Variants in CELF5 observed in about 807,000 individuals in gnomAD.
CELF5 encodes CUGBP Elav-like family member 5.
Under a neutral mutation model 54.9 loss-of-function variants are expected in CELF5, and 6 were observed. The observed-to-expected ratio is 0.11, with a 90% CI of 0.06 to 0.22. The LOEUF (loss-of-function observed/expected upper bound fraction) is 0.22. CELF5 is among the 10% of genes least tolerant of loss of function. The pLI is 1.00. For synonymous variants in CELF5, 271 were observed against 290.9 expected, an observed-to-expected ratio of 0.93 and a Z score of 0.70; for missense variants, 401 against 678.6, an observed-to-expected ratio of 0.59 and a Z score of 4.54.
chr19:3,254,025 A>G (rs960881130), intron 2 of CELF5, among the ~76,000 whole-genome samples: 1 of 152,156 alleles, frequency 6.6e-6, no homozygotes, highest in African/African-American at 2.4e-5. Flanking sequence ...TTGGGGGCCA[A>G]AACTGAGCTC....
At chr19:3,260,748 T>G (rs1267828165) in intron 2 of CELF5, among the ~76,000 whole-genome samples, 8 of 150,744 alleles carry the variant, frequency 5.3e-5, no homozygotes, top group African/African-American at 4.9e-5. Context: ...TCAGCCTCCC[T>G]AGTAGCTGGG....
chr19:3,277,651 G>C (rs1334200390), intron 4 of CELF5, among the ~76,000 whole-genome samples: 1 of 151,698 alleles, frequency 6.6e-6, no homozygotes, highest in Non-Finnish European at 1.5e-5. Context: ...TACTCTACCA[G>C]TCTGGAGCCA....
At chr19:3,235,789 AATGGATGGATGG>A (rs1278030051) in intron 1 of CELF5, among the ~76,000 whole-genome samples, 2 of 50,684 alleles carry the variant, frequency 3.9e-5, no homozygotes, top group African/African-American at 8.2e-5. Flanking sequence ...TGGATGGATG[AATGGATGGATGG>A]ATGGATGGAT....
rs780057114 is a variant in CELF5 at position 3,282,222 on chromosome 19, G to A, written c.847G>A (p.Val283Ile). Residue 283 changes from valine (V) to isoleucine (I), a missense_variant, in exon 7 of 13, where the codon GTC (valine) becomes ATC (isoleucine). Val to Ile is a conservative substitution (Grantham distance 29). Transcript: ENST00000292672. The surrounding 1 kb of genome is among the most constrained non-coding windows in gnomAD (Gnocchi z 5.2). ...CTGTCACATCCAGCAGATAGGCGCC[G>A]TCAGCCTCAACGGGCTGCCTGCCAC... ...SPCHIQQIGA[V>I]SLNGLPATPI... 1.2e-5 allele frequency: 20 copies of A among 1,613,504 alleles called. No individual in the cohort carries two copies. Among genetic ancestry groups the A allele is most frequent in the South Asian group, 8.8e-5 (8 of 91,088 alleles).
At chr19:3,274,915 A>C in intron 3 of CELF5, among the ~76,000 whole-genome samples, 2 of 149,424 alleles carry the variant, frequency 1.3e-5, no homozygotes, top group South Asian at 2.1e-4. Flanking sequence ...CTCTCTCTCC[A>C]TCTCCCTCTG....
intron 2 of CELF5, among the ~76,000 whole-genome samples, chr19:3,267,080 CGTGTGTGCATGTGTGTGTGTGTGT>C (rs910877923): frequency 1.5e-4 from 21 of 142,168 alleles, no homozygotes; most frequent in African/African-American, 4.8e-4. Flanking sequence ...TGTGCGTGTG[CGTGTGTGCATGTGTGTGTGTGTGT>C]GTGCGTGTGC....
chr19:3,251,153 C>A, intron 2 of CELF5, 86 bp downstream of exon 2: 2 of 939,084 alleles, frequency 2.1e-6, no homozygotes, highest in Non-Finnish European at 3.4e-6. Context: ...CTGAGATTGG[C>A]TGTGAATTCT....
At position 3,282,103 on chromosome 19, in the gene CELF5, C is replaced by T; in HGVS notation, c.751-23C>T. 6.2e-7 allele frequency: 1 copy of T among 1,613,946 alleles called. No homozygotes were observed. Among genetic ancestry groups the T allele is most frequent in the Non-Finnish European group, 8.5e-7 (1 of 1,179,924 alleles). ...GATCTCAGGGCAGATATCACCCCAA[C>T]TGTGACATGTCTTCACCCCCAGCTC... On this transcript the variant is annotated intron_variant, in intron 6 of 12. Transcript: ENST00000292672. The surrounding 1 kb of genome is among the most constrained non-coding windows in gnomAD (Gnocchi z 5.2).
intron 4 of CELF5, 64 bp from the exon 5 acceptor site, chr19:3,277,967 G>A: frequency 1.5e-6 from 2 of 1,300,676 alleles, no homozygotes; most frequent in Non-Finnish European, 2.2e-6. Flanking sequence ...CCTCTCCTGT[G>A]GCCCCCGCTC....
chr19:3,259,938 G>A (rs1346851580), intron 2 of CELF5, among the ~76,000 whole-genome samples: 2 of 152,086 alleles, frequency 1.3e-5, no homozygotes, highest in Admixed American at 1.3e-4. Context: ...GTAATGTTCT[G>A]GAAGAGTGTT....
intron 2 of CELF5, among the ~76,000 whole-genome samples, chr19:3,265,218 G>A (rs765736271): frequency 2.4e-4 from 36 of 152,192 alleles, no homozygotes; most frequent in African/African-American, 3.9e-4. Flanking sequence ...TGTGCCTGGC[G>A]TCCTAGCTAT....
At position 3,228,625 on chromosome 19, in the gene CELF5, GC is replaced by G. The variant is rs1028333862; in HGVS notation, c.259+3630del. 2.0e-5 allele frequency among the ~76,000 whole-genome samples: 3 copies of G among 150,726 alleles called. No homozygotes were observed. Among genetic ancestry groups the G allele is most frequent in the Non-Finnish European group, 1.5e-5 (1 of 67,438 alleles). On this transcript the variant is annotated intron_variant, in intron 1 of 12. Transcript: ENST00000292672. The surrounding 1 kb of genome is among the most constrained non-coding windows in gnomAD (Gnocchi z 6.0). Reference sequence around the variant, plus strand: ...GGGGGACGGTGCAGGTGGGGGGGGGGCCCGGCGGGGGCCCGGGTGGGGGCCC... The same window carrying G: ...GGGGGACGGTGCAGGTGGGGGGGGGGCCGGCGGGGGCCCGGGTGGGGGCCC...
At chr19:3,257,029 G>A (rs773423425) in intron 2 of CELF5, among the ~76,000 whole-genome samples, 12 of 151,872 alleles carry the variant, frequency 7.9e-5, no homozygotes, top group African/African-American at 1.5e-4. Flanking sequence ...GGCCCGTCCC[G>A]AACTCCTGGG....
intron 11 of CELF5, among the ~76,000 whole-genome samples, chr19:3,291,563 C>T (rs1290581347): frequency 7.6e-6 from 1 of 131,918 alleles, no homozygotes; most frequent in Admixed American, 7.8e-5. Flanking sequence ...TAAAGCAAGA[C>T]TCCGACTCAA....
In CELF5 at chr19:3,228,636, GCCCGGGTGGGGGC is replaced by G. The variant is rs1917068990; in HGVS notation, c.259+3641_259+3653del. On this transcript the variant is annotated intron_variant, in intron 1 of 12. Coordinates refer to ENST00000292672, the MANE Select transcript of CELF5 (RefSeq NM_021938.4). This position sits in a 1 kb window ranked among gnomAD's most constrained non-coding sequence, Gnocchi z 6.0. ...CAGGTGGGGGGGGGGCCCGGCGGGG[GCCCGGGTGGGGGC>G]CCGCGGTTTCCATGGGAGCACCAGC... Among the ~76,000 whole-genome samples, 1 of 151,084 alleles carries G rather than the reference GCCCGGGTGGGGGC, an allele frequency of 6.6e-6. No individual in the cohort carries two copies.
chr19:3,263,115 C>T (rs541154631), intron 2 of CELF5, among the ~76,000 whole-genome samples: 14 of 151,258 alleles, frequency 9.3e-5, no homozygotes, highest in South Asian at 2.1e-4. Flanking sequence ...GGCATGGTGG[C>T]AGGCGCCTAT....
Position 3,224,919 on chromosome 19 carries a change from C to T in CELF5, c.180C>T (p.Asp60=), listed in dbSNP as rs2144946243. The change falls in exon 1 of 13, where the codon GAC becomes GAT. Residue 60 remains aspartate, a synonymous_variant. Transcript: ENST00000292672. ...TCCCGCGGCACCTGGACGAGAAGGACCTCAAGCCGCTCTTCGAGCAGTTCG... is the reference window on the plus strand; with the variant it reads ...TCCCGCGGCACCTGGACGAGAAGGATCTCAAGCCGCTCTTCGAGCAGTTCG... ...GQIPRHLDEK[D]LKPLFEQFGR... 1.2e-6 allele frequency: 2 copies of T among 1,608,284 alleles called. No homozygotes were observed. Among genetic ancestry groups the T allele is most frequent in the Middle Eastern group, 3.3e-4 (2 of 6,050 alleles).
In CELF5 at chr19:3,256,064, C is replaced by CAGAAAAAA. The variant is rs372488135; in HGVS notation, c.342+4998_342+4999insGAAAAAAA. On this transcript the variant is annotated intron_variant, in intron 2 of 12. Transcript: ENST00000292672. Reference sequence around the variant, plus strand: ...TGGGTGACAGAACAAGACCCTGTCTCAAAAAAAAAGGAAAGGTGCGAAGTG... The same window carrying CAGAAAAAA: ...TGGGTGACAGAACAAGACCCTGTCTCAGAAAAAAAAAAAAAAAGGAAAGGTGCGAAGTG... Among the ~76,000 whole-genome samples, 17 of 139,604 alleles carry CAGAAAAAA rather than the reference C, an allele frequency of 1.2e-4. 2 individuals carry two copies. Among genetic ancestry groups the CAGAAAAAA allele is most frequent in the South Asian group, 4.9e-4 (2 of 4,118 alleles). The allele number at this position is 139,604 out of a possible 152,430, so 91.6% of individuals were successfully genotyped here.
At chr19:3,250,891 G>GCATTAAAA in intron 1 of CELF5, 94 bp from the exon 2 acceptor site, 1 of 610,996 alleles carries the variant, frequency 1.6e-6, no homozygotes, top group Non-Finnish European at 2.8e-6. Flanking sequence ...ATGGAAGCTT[G>GCATTAAAA]GGTTGCTTCC....
Sources: allele counts gnomAD v4.1 joint callset (sites outside exome capture counted in the v4.1 genomes callset), GRCh38; gene constraint gnomAD v4.1.1; non-coding constraint Gnocchi (gnomAD v3.1); transcripts MANE v1.5; gene names NCBI Gene and HGNC (gene_info 2026-07-23, HGNC 2026-07-21).